IBA57: variants seen among roughly 807,000 people sequenced by gnomAD.
IBA57 encodes iron-sulfur cluster assembly factor IBA57, mitochondrial.
Under a neutral mutation model 20.4 loss-of-function variants are expected in IBA57, and 20 were observed. The ratio of observed to expected loss-of-function variants is 0.98; its 90% confidence interval spans 0.69 to 1.42. The LOEUF (loss-of-function observed/expected upper bound fraction) is 1.42. Ranked by LOEUF, IBA57 falls within the 40% of genes most tolerant of loss-of-function variation. The pLI, the probability that IBA57 is intolerant of heterozygous loss-of-function variation, is 0.00. For missense variants in IBA57, 608 were observed against 499.3 expected, an observed-to-expected ratio of 1.22 and a Z score of -2.07; for synonymous variants, 310 against 233.9, an observed-to-expected ratio of 1.33 and a Z score of -2.97.
rs749789419 is a variant in IBA57, at chr1:228,175,223, A to C, written c.781A>C (p.Ile261Leu). The C allele has an allele frequency of 6.2e-7, 1 of 1,612,618 alleles. No individual in the cohort carries two copies. Among genetic ancestry groups the C allele is most frequent in the East Asian group, 2.2e-5 (1 of 44,878 alleles). The change falls in exon 3 of 3, where the codon ATT becomes CTT. Residue 261 changes from isoleucine (I) to leucine (L), a missense_variant. Transcript: ENST00000366711. Reference protein sequence around the residue: ...NGVSFTKGCYIGQELTARTHH... With the variant: ...NGVSFTKGCYLGQELTARTHH... ...CGTGAGCTTCACCAAAGGCTGCTACATTGGCCAGGAGCTGACGGCCCGCAC... is the reference window on the plus strand; with the variant it reads ...CGTGAGCTTCACCAAAGGCTGCTACCTTGGCCAGGAGCTGACGGCCCGCAC...
rs538096400 is a variant in IBA57, at chr1:228,175,322, A to T, written c.880A>T (p.Thr294Ser). Residue 294 changes from threonine (T) to serine (S), a missense_variant, in exon 3 of 3, where the codon ACC (threonine) becomes TCC (serine). Thr to Ser is a moderately conservative substitution (Grantham distance 58). Coordinates refer to ENST00000366711, the MANE Select transcript of IBA57 (RefSeq NM_001010867.4). ...FLDPLPTSGITPGATVLTASG... is the reference protein window; with the variant it reads ...FLDPLPTSGISPGATVLTASG... ...GGACCCCCTTCCCACCAGTGGCATCACCCCTGGTGCCACGGTGCTGACTGC... is the reference window on the plus strand; with the variant it reads ...GGACCCCCTTCCCACCAGTGGCATCTCCCCTGGTGCCACGGTGCTGACTGC... 1.9e-6 allele frequency: 3 copies of T among 1,612,582 alleles called. No individual in the cohort carries two copies. In the African/African-American group the frequency reaches 4.0e-5, roughly 22 times the overall value.
At chr1:228,168,031 A>C (rs2034875561) in intron 1 of IBA57, among the ~76,000 whole-genome samples, 1 of 152,068 alleles carries the variant, frequency 6.6e-6, no homozygotes, top group African/African-American at 2.4e-5. Context: ...CCTATTCTTA[A>C]TAAGTGTTTT....
chr1:228,174,791 G>A lies in IBA57; in HGVS notation c.441G>A (p.Arg147=). ...QKHLALYRIR[R]KVTVEPHPEL... Reference sequence around the variant, plus strand: ...ACCTCGCGCTATACAGGATCCGGCGGAAGGTCACGGTGGAGCCGCACCCGG... The same window carrying A: ...ACCTCGCGCTATACAGGATCCGGCGAAAGGTCACGGTGGAGCCGCACCCGG... Residue 147 remains arginine (R), a synonymous_variant, in exon 2 of 3, where the codon CGG becomes CGA. Coordinates refer to ENST00000366711, the MANE Select transcript of IBA57 (RefSeq NM_001010867.4). 1 of 1,611,120 alleles carries A rather than the reference G, an allele frequency of 6.2e-7. No individual in the cohort carries two copies.
chr1:228,170,718 A>G lies in IBA57; in HGVS notation c.342-3974A>G, dbSNP rs893135044. Reference sequence around the variant, plus strand: ...GCCTTGCTGCGAGCTGGCCGGGGCAAGGATGTGGACTCAGTGCAGGGCTCA... The same window carrying G: ...GCCTTGCTGCGAGCTGGCCGGGGCAGGGATGTGGACTCAGTGCAGGGCTCA... On this transcript the variant is annotated intron_variant, in intron 1 of 2. Coordinates refer to ENST00000366711, the MANE Select transcript of IBA57 (RefSeq NM_001010867.4). The surrounding 1 kb of genome is among the most constrained non-coding windows in gnomAD (Gnocchi z 4.8). 6.6e-6 allele frequency among the ~76,000 whole-genome samples: 1 copy of G among 152,144 alleles called. No individual in the cohort carries two copies. The highest frequency in any genetic ancestry group is 1.5e-5 in the Non-Finnish European group (1 of 68,022).
chr1:228,166,149 C>G lies in IBA57; in HGVS notation c.333C>G (p.Ile111Met), dbSNP rs1237328689. 1 of 1,506,782 alleles carries G rather than the reference C, an allele frequency of 6.6e-7. No individual in the cohort carries two copies. The allele number at this position is 1,506,782 out of a possible 1,614,324, so 93.3% of individuals were successfully genotyped here. A position where few individuals can be genotyped will look rare whatever the true frequency, so the allele number is the denominator to read the frequency against. ...NVQGRTLYDV[I>M]LYGLQEHSEV... is the part of the protein sequence containing the mutation. Reference sequence around the variant, plus strand: ...AGGGCCGGACGCTCTATGACGTCATCTTGTACGGGTGAGCGCGTGCTGGGA... The same window carrying G: ...AGGGCCGGACGCTCTATGACGTCATGTTGTACGGGTGAGCGCGTGCTGGGA... The change falls in exon 1 of 3, where the codon ATC (isoleucine) becomes ATG (methionine). Residue 111 changes from isoleucine to methionine, a missense_variant. Coordinates refer to ENST00000366711, the MANE Select transcript of IBA57 (RefSeq NM_001010867.4).
chr1:228,174,983 C>G lies in IBA57; in HGVS notation c.633C>G (p.Gly211=). 2 of 1,550,424 alleles carry G rather than the reference C, an allele frequency of 1.3e-6. No individual in the cohort carries two copies. The highest frequency in any genetic ancestry group is 1.7e-6 in the Non-Finnish European group (2 of 1,145,800). Reference sequence around the variant, plus strand: ...AAGGCCCAGCCCTGGTGCCCGGGGGCCGGCTCGGGGACTTGTGGGATTATC... The same window carrying G: ...AAGGCCCAGCCCTGGTGCCCGGGGGGCGGCTCGGGGACTTGTGGGATTATC... The part of the protein sequence containing the change: ...QDEGPALVPG[G]RLGDLWDYHQ... The change falls in exon 2 of 3, where the codon GGC becomes GGG. Residue 211 remains glycine, a synonymous_variant. Transcript: ENST00000366711.
Position 228,180,606 on chromosome 1 carries a change from A to G in IBA57, c.*5093A>G, listed in dbSNP as rs918685018. On this transcript the variant is annotated 3_prime_UTR_variant, in exon 3 of 3. Transcript: ENST00000366711. ...GGGAAGACCATGGAATTTAAAAGCC[A>G]GTCCTTCAAGGAGAAATGAACAAAC... 2 of 152,086 alleles carry G rather than the reference A, an allele frequency of 1.3e-5. No individual in the cohort carries two copies. Among genetic ancestry groups the G allele is most frequent in the Non-Finnish European group, 2.9e-5 (2 of 68,028 alleles). 9.4% of individuals were successfully genotyped at this position (152,086 alleles called of 1,614,324 possible). A position where few individuals can be genotyped will look rare whatever the true frequency, so the allele number is the denominator to read the frequency against.
intron 1 of IBA57, among the ~76,000 whole-genome samples, chr1:228,174,210 TGTGG>T (rs1558125757): frequency 3.2e-4 from 4 of 12,474 alleles, no homozygotes; most frequent in Non-Finnish European, 5.5e-4. Flanking sequence ...CGTGGCTCGC[TGTGG>T]GCGTGGCTCG....
intron 1 of IBA57, among the ~76,000 whole-genome samples, chr1:228,173,851 G>C (rs2034960269): frequency 6.6e-6 from 1 of 152,188 alleles, no homozygotes; most frequent in Middle Eastern, 3.2e-3. Flanking sequence ...TTGCAGTTCT[G>C]CCAGTCCCTG....
At chr1:228,172,232 G>A (rs2034939793) in intron 1 of IBA57, 1 of 152,062 alleles carries the variant, frequency 6.6e-6, no homozygotes, top group Admixed American at 6.5e-5. Context: ...CATATCTGGG[G>A]TCTCTGGATT....
intron 1 of IBA57, among the ~76,000 whole-genome samples, chr1:228,167,829 C>T (rs1216429921): frequency 2.0e-5 from 3 of 152,214 alleles, no homozygotes; most frequent in Admixed American, 6.5e-5. Context: ...GTATTCATTA[C>T]ATTCTGTCTA....
At position 228,175,259 on chromosome 1, in the gene IBA57, G is replaced by C. The variant is rs553651626; in HGVS notation, c.817G>C (p.Gly273Arg). 7 of 1,612,688 alleles carry C rather than the reference G, an allele frequency of 4.3e-6. No homozygotes were observed. The Admixed American group carries it at 6.7e-5, about 15-fold the overall frequency. The change falls in exon 3 of 3, where the codon GGC becomes CGC. Residue 273 changes from glycine to arginine, a missense_variant. Physicochemically the swap from Gly to Arg is moderately radical, Grantham distance 125 (BLOSUM62 -2). Coordinates refer to ENST00000366711, the MANE Select transcript of IBA57 (RefSeq NM_001010867.4). ...QELTARTHHMGVIRKRLFPVR... is the reference protein window; with the variant it reads ...QELTARTHHMRVIRKRLFPVR... ...GCTGACGGCCCGCACCCACCACATG[G>C]GCGTCATCCGCAAGCGCCTCTTCCC...
chr1:228,166,238 G>GC, intron 1 of IBA57, 81 bp downstream of exon 1: 1 of 853,312 alleles, frequency 1.2e-6, no homozygotes, highest in Non-Finnish European at 1.5e-6. Context: ...CAGGGCGGGC[G>GC]CCCGGGGCCT....
intron 1 of IBA57, among the ~76,000 whole-genome samples, chr1:228,169,456 G>A (rs774001900): frequency 6.6e-6 from 1 of 152,192 alleles, no homozygotes; most frequent in Non-Finnish European, 1.5e-5. Flanking sequence ...CAGCAAAAGA[G>A]CAGAATGTGC....
intron 1 of IBA57, among the ~76,000 whole-genome samples, chr1:228,168,134 C>T (rs1307672371): frequency 6.6e-6 from 1 of 152,158 alleles, no homozygotes; most frequent in Non-Finnish European, 1.5e-5. Flanking sequence ...AAGACCAACC[C>T]TTCTTCTCCT....
intron 1 of IBA57, among the ~76,000 whole-genome samples, chr1:228,167,049 T>C (rs1315312601): frequency 6.6e-6 from 1 of 152,264 alleles, no homozygotes; most frequent in Non-Finnish European, 1.5e-5. Flanking sequence ...TCACCGACAA[T>C]GTTCACATCA....
At position 228,180,736 on chromosome 1, in the gene IBA57, T is replaced by A. The variant is rs549275360; in HGVS notation, c.*5223T>A. The A allele has an allele frequency of 1.3e-5, 2 of 151,224 alleles. No homozygotes were observed. Among genetic ancestry groups the A allele is most frequent in the Non-Finnish European group, 2.9e-5 (2 of 67,830 alleles). 9.4% of individuals were successfully genotyped at this position (151,224 alleles called of 1,614,324 possible). ...AACACAGCTCACTACAGCCTCAACC[T>A]TCTGGGCTCAGATGATTCTCCTGCC... On this transcript the variant is annotated 3_prime_UTR_variant, in exon 3 of 3. Coordinates refer to ENST00000366711, the MANE Select transcript of IBA57 (RefSeq NM_001010867.4).
chr1:228,169,842 C>T (rs1053451259), intron 1 of IBA57, among the ~76,000 whole-genome samples: 1 of 152,062 alleles, frequency 6.6e-6, no homozygotes, highest in Admixed American at 6.6e-5. Flanking sequence ...GTTTAGATTC[C>T]TCCATGTTTT....
At position 228,179,090 on chromosome 1, in the gene IBA57, AT is replaced by A. The variant is rs544718435; in HGVS notation, c.*3592del. 358 of 144,516 alleles carry A rather than the reference AT, an allele frequency of 2.5e-3. No homozygotes were observed. Among genetic ancestry groups the A allele is most frequent in the Middle Eastern group, 7.2e-3 (2 of 278 alleles). 9.0% of individuals were successfully genotyped at this position (144,516 alleles called of 1,614,324 possible). ...GGCAGTCTCCCAGCCAGAAGGTGGAATTTTTTTTTTTTTTTGAGATACCAAA... is the reference window on the plus strand; with the variant it reads ...GGCAGTCTCCCAGCCAGAAGGTGGAATTTTTTTTTTTTTTGAGATACCAAA... On this transcript the variant is annotated 3_prime_UTR_variant, in exon 3 of 3. Transcript: ENST00000366711.
Sources: gnomAD v4.1 joint callset for allele counts (sites outside exome capture counted in the v4.1 genomes callset) on GRCh38, gnomAD v4.1.1 for gene constraint, Gnocchi (gnomAD v3.1) non-coding constraint, MANE v1.5 for transcripts, NCBI Gene and HGNC (gene_info 2026-07-23, HGNC 2026-07-21) for gene names.